Variants in PCNX4 observed in about 807,000 individuals in gnomAD.
PCNX4 encodes pecanex 4.
In PCNX4, 103 loss-of-function variants were observed where a neutral mutation model predicts 107.2. The observed-to-expected ratio is 0.96, with a 90% CI of 0.82 to 1.13. The LOEUF (loss-of-function observed/expected upper bound fraction) is 1.13. PCNX4 is among the 50% of genes most tolerant of loss of function. The pLI, the probability that PCNX4 is intolerant of heterozygous loss-of-function variation, is 0.00. For missense variants in PCNX4, 1,528 were observed against 1,379.4 expected (o/e 1.11, Z -1.71); for synonymous variants, 541 against 481.7 (o/e 1.12, Z -1.61).
intron 1 of PCNX4, among the ~76,000 whole-genome samples, chr14:60,106,519 C>G (rs949208119): frequency 6.6e-6 from 1 of 152,144 alleles, no homozygotes; most frequent in African/African-American, 2.4e-5. Context: ...GCAGGGCTGT[C>G]ATGTGAGTTA....
chr14:60,129,379 G>A (rs1040231117), intron 10 of PCNX4, among the ~76,000 whole-genome samples: 21 of 152,152 alleles, frequency 1.4e-4, no homozygotes, highest in African/African-American at 4.8e-4. Flanking sequence ...CATAGCAAGA[G>A]CCCATCTCTA....
chr14:60,116,052 C>G lies in PCNX4; in HGVS notation c.1570C>G (p.Leu524Val). 1 of 1,604,982 alleles carries G rather than the reference C, an allele frequency of 6.2e-7. No homozygotes were observed. The highest frequency in any genetic ancestry group is 8.5e-7 in the Non-Finnish European group (1 of 1,176,358). ...CAGAAGCCTGGATACAGGACTCAGACTCTTACTGGTAAGTGTGTCTTTTAA... is the reference window on the plus strand; with the variant it reads ...CAGAAGCCTGGATACAGGACTCAGAGTCTTACTGGTAAGTGTGTCTTTTAA... ...WNRSLDTGLR[L>V]LLVGIIRDRL... The change falls in exon 6 of 11, where the codon CTC becomes GTC. Residue 524 changes from leucine (L) to valine (V), a missense_variant. Physicochemically the swap from Leu to Val is conservative, Grantham distance 32. Transcript: ENST00000406854.
intron 1 of PCNX4, among the ~76,000 whole-genome samples, chr14:60,093,566 A>C (rs1008064608): frequency 6.6e-6 from 1 of 152,068 alleles, no homozygotes; most frequent in Admixed American, 6.5e-5. Flanking sequence ...CATTGTGTGG[A>C]TATATCACAT....
intron 2 of PCNX4, 157 bp downstream of exon 2, chr14:60,108,484 A>ATCTC (rs1895674091): frequency 3.4e-6 from 2 of 587,818 alleles, no homozygotes; most frequent in Admixed American, 6.9e-5. Context: ...TTTAGGATTA[A>ATCTC]TCTCTGTAAA....
intron 10 of PCNX4, among the ~76,000 whole-genome samples, chr14:60,130,565 C>G (rs1245562425): frequency 6.6e-6 from 1 of 152,062 alleles, no homozygotes; most frequent in African/African-American, 2.4e-5. Context: ...TGTACTAGAA[C>G]TTCTAGCCAG....
chr14:60,113,747 T>G (rs1211056774), intron 2 of PCNX4, among the ~76,000 whole-genome samples: 1 of 152,178 alleles, frequency 6.6e-6, no homozygotes, highest in Non-Finnish European at 1.5e-5. Flanking sequence ...GTTTTGGGAT[T>G]TAGTTGTCTC....
chr14:60,137,436 C>T lies in PCNX4; in HGVS notation c.*3215C>T, dbSNP rs1323770498. 1.3e-5 allele frequency: 2 copies of T among 152,212 alleles called. No individual in the cohort carries two copies. The highest frequency in any genetic ancestry group is 2.9e-5 in the Non-Finnish European group (2 of 68,074). 9.4% of individuals were successfully genotyped at this position (152,212 alleles called of 1,614,324 possible). A position where few individuals can be genotyped will look rare whatever the true frequency, so the allele number is the denominator to read the frequency against. ...AGATGCAGTTAGGATCTTCTCACTT[C>T]CCAAAACTGGATTCAGGTGACCCTT... is the stretch of plus-strand genomic sequence containing the variant. On this transcript the variant is annotated 3_prime_UTR_variant, in exon 11 of 11. Transcript: ENST00000406854.
intron 8 of PCNX4, 73 bp downstream of exon 8, chr14:60,121,372 C>G: frequency 1.4e-6 from 2 of 1,423,168 alleles, no homozygotes; most frequent in Non-Finnish European, 1.9e-6. Context: ...ATGTTCACAT[C>G]AAACACTCAA....
chr14:60,107,899 C>T lies in PCNX4; in HGVS notation c.261C>T (p.Ile87=). The T allele has an allele frequency of 3.7e-6, 6 of 1,612,820 alleles. No individual in the cohort carries two copies. The highest frequency in any genetic ancestry group is 8.5e-7 in the Non-Finnish European group (1 of 1,179,872). ...TAATGCTTTTTACTGCATTTGTCAT[C>T]CAGTTCACAAGTTTATACGCCAAAA... ...GGLMLFTAFV[I]QFTSLYAKNK... is the part of the protein sequence containing the mutation. Residue 87 remains isoleucine, a synonymous_variant, in exon 2 of 11, where the codon ATC becomes ATT. Transcript: ENST00000406854.
chr14:60,099,832 G>A (rs774726664), intron 1 of PCNX4, among the ~76,000 whole-genome samples: 28 of 152,256 alleles, frequency 1.8e-4, no homozygotes, highest in Non-Finnish European at 3.8e-4. Context: ...GGGAGGCTGA[G>A]GCAGGCAGAT....
chr14:60,135,103 C>T lies in PCNX4; in HGVS notation c.*882C>T, dbSNP rs553592080. ...TCTCTTCTTGCTTAGGAACGTTTTA[C>T]AGATACATGTAAGGGGGATTAATAA... On this transcript the variant is annotated 3_prime_UTR_variant, in exon 11 of 11. Transcript: ENST00000406854. 2.0e-5 allele frequency: 3 copies of T among 152,282 alleles called. No homozygotes were observed. Among genetic ancestry groups the T allele is most frequent in the African/African-American group, 7.2e-5 (3 of 41,556 alleles). 9.4% of individuals were successfully genotyped at this position (152,282 alleles called of 1,614,324 possible).
intron 1 of PCNX4, among the ~76,000 whole-genome samples, chr14:60,093,677 T>C (rs189047575): frequency 7.2e-5 from 11 of 152,350 alleles, no homozygotes; most frequent in Admixed American, 2.0e-4. Flanking sequence ...TGTAGACATA[T>C]ATGTTTTTAT....
intron 1 of PCNX4, among the ~76,000 whole-genome samples, chr14:60,104,386 C>T (rs1217662284): frequency 6.8e-6 from 1 of 147,988 alleles, no homozygotes; most frequent in Non-Finnish European, 1.5e-5. Flanking sequence ...CCGTTTAAGA[C>T]AGCAATATGT....
At chr14:60,128,146 GGAGA>G (rs1321453522) in intron 10 of PCNX4, among the ~76,000 whole-genome samples, 3 of 148,596 alleles carry the variant, frequency 2.0e-5, no homozygotes, top group African/African-American at 5.2e-5. Flanking sequence ...CGGAAGGAGA[GGAGA>G]GAGAGAGAAG....
chr14:60,093,627 G>C (rs939174378), intron 1 of PCNX4, among the ~76,000 whole-genome samples: 3 of 152,126 alleles, frequency 2.0e-5, no homozygotes, highest in Non-Finnish European at 4.4e-5. Context: ...TTGGCTGTTA[G>C]TAATATTTCT....
chr14:60,113,208 A>G (rs1448976769), intron 2 of PCNX4, among the ~76,000 whole-genome samples: 2 of 152,210 alleles, frequency 1.3e-5, no homozygotes, highest in Non-Finnish European at 2.9e-5. Context: ...AAGGGCATAC[A>G]TTATGAGGCA....
In PCNX4 at chr14:60,141,786, A is replaced by G. The variant is rs1418224059; in HGVS notation, c.*7565A>G. On this transcript the variant is annotated 3_prime_UTR_variant, in exon 11 of 11. Coordinates refer to ENST00000406854, the MANE Select transcript of PCNX4 (RefSeq NM_001330177.2). ...TTATACCATTCACCTGTTGATGGAC[A>G]TTTGTTGGTTCCAGTTTTGGGCTAT... 1 of 152,162 alleles carries G rather than the reference A, an allele frequency of 6.6e-6. No individual in the cohort carries two copies. Among genetic ancestry groups the G allele is most frequent in the Non-Finnish European group, 1.5e-5 (1 of 68,032 alleles). 9.4% of individuals were successfully genotyped at this position (152,162 alleles called of 1,614,324 possible).
intron 3 of PCNX4, 31 bp downstream of exon 3, chr14:60,114,910 T>C (rs780842757): frequency 6.4e-7 from 1 of 1,570,298 alleles, no homozygotes; most frequent in South Asian, 1.2e-5. Flanking sequence ...ATGTTATATG[T>C]AATATTCTTA....
intron 10 of PCNX4, among the ~76,000 whole-genome samples, chr14:60,132,756 TAAA>T (rs1478758208): frequency 6.6e-6 from 1 of 151,996 alleles, no homozygotes; most frequent in African/African-American, 2.4e-5. Flanking sequence ...AACTCTATAA[TAAA>T]AAGATAAATA....
Sources: gnomAD v4.1 joint callset for allele counts (sites outside exome capture counted in the v4.1 genomes callset) on GRCh38, gnomAD v4.1.1 for gene constraint, MANE v1.5 for transcripts, NCBI Gene and HGNC (gene_info 2026-07-23, HGNC 2026-07-21) for gene names.